Variants in LCA5 observed in about 807,000 individuals in gnomAD.
LCA5 encodes the protein lebercilin LCA5.
Under a neutral mutation model 53.0 loss-of-function variants are expected in LCA5, and 37 were observed. The observed-to-expected ratio is 0.70, with a 90% CI of 0.54 to 0.92. LCA5 has a LOEUF of 0.92. LCA5 is among the 40% of genes least tolerant of loss of function. The pLI is 0.00. For missense variants in LCA5, 806 were observed against 790.5 expected (o/e 1.02, Z -0.23); for synonymous variants, 303 against 282.9 (o/e 1.07, Z -0.71).
chr6:79,530,437 T>A (rs573341329), intron 1 of LCA5, among the ~76,000 whole-genome samples: 4 of 152,144 alleles, frequency 2.6e-5, no homozygotes, highest in African/African-American at 9.6e-5. Context: ...GATGAAATAA[T>A]CTGTACAACA....
rs189162131 is a variant in LCA5, at chr6:79,495,479, C to T, written c.721-1729G>A. On this transcript the variant is annotated intron_variant, in intron 3 of 7. Coordinates refer to ENST00000369846, the MANE Select transcript of LCA5 (RefSeq NM_001122769.3). ...AGTATATAAAAAGTCGGGCCAGGCG[C>T]GGTGGCTCATGTCTGTAATCCCAGC... Among the ~76,000 whole-genome samples, 464 of 152,062 alleles carry T rather than the reference C, an allele frequency of 3.1e-3. 3 individuals carry two copies. The highest frequency in any genetic ancestry group is 5.3e-3 in the Non-Finnish European group (357 of 67,972).
At position 79,487,040 on chromosome 6, in the gene LCA5, A is replaced by G. The variant is rs1467713947; in HGVS notation, c.2058T>C (p.Ser686=). The change falls in exon 8 of 8, where the codon TCT becomes TCC. Residue 686 remains serine (S), a synonymous_variant. Transcript: ENST00000369846. The stretch of plus-strand genomic sequence containing the variant: ...CTACTTCTTCAATTTCATCTTCTAC[A>G]GAATCAGCTGCTTTTACTGCTGGTT... ...DDKPAVKAAD[S]VEDEIEEVAL... is the part of the protein sequence containing the mutation. 6.2e-7 allele frequency: 1 copy of G among 1,613,728 alleles called. No individual in the cohort carries two copies. Among genetic ancestry groups the G allele is most frequent in the South Asian group, 1.1e-5 (1 of 91,070 alleles).
chr6:79,513,934 A>G (rs145971641), intron 2 of LCA5, among the ~76,000 whole-genome samples, 193 bp from the exon 3 acceptor site: 1 of 152,276 alleles, frequency 6.6e-6, no homozygotes, highest in East Asian at 1.9e-4. Flanking sequence ...GGTATGCAAT[A>G]TTTTAAGAAA....
At chr6:79,499,234 T>A (rs1770065442) in intron 3 of LCA5, among the ~76,000 whole-genome samples, 1 of 152,110 alleles carries the variant, frequency 6.6e-6, no homozygotes, top group Non-Finnish European at 1.5e-5. Flanking sequence ...GTGGTAAGAA[T>A]GAGAATGTTT....
intron 1 of LCA5, among the ~76,000 whole-genome samples, chr6:79,523,741 C>T (rs1766695277): frequency 6.6e-6 from 1 of 151,950 alleles, no homozygotes; most frequent in Non-Finnish European, 1.5e-5. Flanking sequence ...CCGAGGGGCC[C>T]ACCAACTTTC....
chr6:79,518,840 G>A lies in LCA5; in HGVS notation c.55C>T (p.His19Tyr). 6.2e-7 allele frequency: 1 copy of A among 1,614,138 alleles called. No individual in the cohort carries two copies. Among genetic ancestry groups the A allele is most frequent in the South Asian group, 1.1e-5 (1 of 91,074 alleles). ...AAATCAGATAAGTAAGAATAATGGT[G>A]TTTGCCTGCCTTTCTTTCTTGATCA... ...GTDQERKAGK[H>Y]HYSYLSDFET... Residue 19 changes from histidine to tyrosine, a missense_variant, in exon 2 of 8, where the codon CAC (histidine) becomes TAC (tyrosine). His to Tyr is a moderately conservative substitution (Grantham distance 83). Coordinates refer to ENST00000369846, the MANE Select transcript of LCA5 (RefSeq NM_001122769.3).
At chr6:79,527,778 G>A (rs951551487) in intron 1 of LCA5, among the ~76,000 whole-genome samples, 15 of 152,224 alleles carry the variant, frequency 9.9e-5, no homozygotes, top group African/African-American at 1.4e-4. Flanking sequence ...CAAAGGAAGC[G>A]TCTTGGGTAT....
At chr6:79,497,578 C>T (rs1770016157) in intron 3 of LCA5, among the ~76,000 whole-genome samples, 1 of 152,078 alleles carries the variant, frequency 6.6e-6, no homozygotes, top group African/African-American at 2.4e-5. Flanking sequence ...AAAAGAACAA[C>T]AGTATGTGGA....
At position 79,519,046 on chromosome 6, in the gene LCA5, C is replaced by G; in HGVS notation, c.-152G>C. ...TTTTCTCCACAATGTATTTGTAGAC[C>G]ACAATTCACATTGGCATCCAGAAGA... is the stretch of plus-strand genomic sequence containing the variant. On this transcript the variant is annotated 5_prime_UTR_variant, in exon 2 of 8. Transcript: ENST00000369846. 1.2e-6 allele frequency: 1 copy of G among 839,230 alleles called. No individual in the cohort carries two copies. Among genetic ancestry groups the G allele is most frequent in the South Asian group, 1.5e-5 (1 of 67,760 alleles). The allele number at this position is 839,230 out of a possible 1,614,324, so 52.0% of individuals were successfully genotyped here.
intron 3 of LCA5, among the ~76,000 whole-genome samples, chr6:79,494,789 T>C (rs567194900): frequency 2.9e-4 from 44 of 152,332 alleles, no homozygotes; most frequent in South Asian, 1.5e-3. Context: ...TGCTCCAATT[T>C]TTCCTAGAGT....
At chr6:79,502,937 G>A (rs1323730027) in intron 3 of LCA5, among the ~76,000 whole-genome samples, 1 of 152,118 alleles carries the variant, frequency 6.6e-6, no homozygotes, top group Non-Finnish European at 1.5e-5. Context: ...CTGGAGTGCA[G>A]TGGCATGATC....
At chr6:79,525,174 T>G (rs963793087) in intron 1 of LCA5, 3 of 152,224 alleles carry the variant, frequency 2.0e-5, no homozygotes, top group African/African-American at 7.2e-5. Flanking sequence ...CTCTGCTTCA[T>G]GTAGTGTCAG....
chr6:79,502,009 G>A (rs1770154623), intron 3 of LCA5, among the ~76,000 whole-genome samples: 2 of 152,118 alleles, frequency 1.3e-5, no homozygotes, highest in East Asian at 3.9e-4. Context: ...AAGAAAGTAA[G>A]AATAGTTCTA....
At chr6:79,498,836 T>C (rs1770053993) in intron 3 of LCA5, among the ~76,000 whole-genome samples, 1 of 151,964 alleles carries the variant, frequency 6.6e-6, no homozygotes, top group Non-Finnish European at 1.5e-5. Context: ...ATCTAACAAA[T>C]TTTAAGAAAC....
chr6:79,490,461 T>C (rs1337758333), intron 6 of LCA5, among the ~76,000 whole-genome samples: 1 of 152,114 alleles, frequency 6.6e-6, no homozygotes, highest in Non-Finnish European at 1.5e-5. Flanking sequence ...TATATACTCT[T>C]ATACTCTTTT....
intron 1 of LCA5, among the ~76,000 whole-genome samples, chr6:79,526,162 T>C (rs1766780474): frequency 6.6e-6 from 1 of 152,224 alleles, no homozygotes; most frequent in African/African-American, 2.4e-5. Flanking sequence ...AAGTATTTGC[T>C]GGTAATCATA....
chr6:79,501,135 C>T (rs868808303), intron 3 of LCA5, among the ~76,000 whole-genome samples: 2 of 152,044 alleles, frequency 1.3e-5, no homozygotes, highest in African/African-American at 2.4e-5. Flanking sequence ...CCATAGTGTA[C>T]GCATAAAATA....
At chr6:79,517,663 G>A (rs1766478334) in intron 2 of LCA5, among the ~76,000 whole-genome samples, 1 of 152,134 alleles carries the variant, frequency 6.6e-6, no homozygotes, top group Non-Finnish European at 1.5e-5. Flanking sequence ...GGAAATCCCT[G>A]AGGAGCTAGA....
chr6:79,515,767 G>C (rs996903326), intron 2 of LCA5, among the ~76,000 whole-genome samples: 1 of 151,962 alleles, frequency 6.6e-6, no homozygotes, highest in Non-Finnish European at 1.5e-5. Context: ...ACATTACAAA[G>C]TTTCATTAAA....
Sources: allele counts gnomAD v4.1 joint callset (sites outside exome capture counted in the v4.1 genomes callset), GRCh38; gene constraint gnomAD v4.1.1; transcripts MANE v1.5; gene names NCBI Gene and HGNC (gene_info 2026-07-23, HGNC 2026-07-21).